The following EML1 variants were observed in gnomAD, a reference collection of about 807,000 sequenced individuals.
EML1 encodes the protein echinoderm microtubule-associated protein-like 1.
EML1 carries 27 observed loss-of-function variants against 110.4 expected under a neutral mutation model. The ratio of observed to expected loss-of-function variants is 0.24; its 90% confidence interval spans 0.18 to 0.34. The LOEUF (loss-of-function observed/expected upper bound fraction) is 0.34, where lower values mean the gene tolerates loss of function less well. Ranked by LOEUF, EML1 falls within the 10% of genes least tolerant of loss-of-function variation. EML1 has a pLI of 1.00. For missense variants in EML1, 741 were observed against 1,030.9 expected (o/e 0.72, Z 3.85); for synonymous variants, 344 against 385.8 (o/e 0.89, Z 1.27).
In EML1 at chr14:99,781,338, C is replaced by A. The variant is rs2057537830; in HGVS notation, c.-27+7325C>A. Among the ~76,000 whole-genome samples the A allele has an allele frequency of 6.6e-6, 1 of 152,122 alleles. No individual in the cohort carries two copies. Among genetic ancestry groups the A allele is most frequent in the African/African-American group, 2.4e-5 (1 of 41,422 alleles). ...GCCCTGCCCTTGCTCATGGGGTGTG[C>A]CTCCCATGCTGTATGGCATCCTCAC... On this transcript the variant is annotated intron_variant, in intron 1 of 22. Transcript: ENST00000327921. This position sits in a 1 kb window ranked among gnomAD's most constrained non-coding sequence, Gnocchi z 4.2.
intron 17 of EML1, among the ~76,000 whole-genome samples, chr14:99,926,488 T>C (rs997679501): frequency 3.9e-5 from 6 of 152,064 alleles, no homozygotes; most frequent in Non-Finnish European, 7.4e-5. Context: ...TTTTGCCAGA[T>C]TGGCCAGGCT....
intron 1 of EML1, among the ~76,000 whole-genome samples, chr14:99,782,426 G>A (rs1012044982): frequency 1.3e-5 from 2 of 152,142 alleles, no homozygotes; most frequent in African/African-American, 4.8e-5. Flanking sequence ...GACCTGCGGC[G>A]TGTTTGCTCC....
chr14:99,749,608 T>C lies in EML1; in HGVS notation c.28+11748T>C, dbSNP rs559655629. On this transcript the variant is annotated intron_variant, in intron 1 of 10. Transcript: ENST00000554479. ...CAGGCTGGGGTTAGGGTCCTTCCTC[T>C]GAAAGCTGGTATGAGGGAGGGACAT... Among the ~76,000 whole-genome samples, 6 of 152,298 alleles carry C rather than the reference T, an allele frequency of 3.9e-5. No homozygotes were observed. In the South Asian group the frequency reaches 8.3e-4, roughly 21 times the overall value.
At chr14:99,873,837 C>T (rs964287412) in intron 3 of EML1, among the ~76,000 whole-genome samples, 1 of 152,234 alleles carries the variant, frequency 6.6e-6, no homozygotes, top group African/African-American at 2.4e-5. Flanking sequence ...GGACAAAAGC[C>T]AGGTGGGTCC....
At chr14:99,900,407 G>A (rs1022967141) in intron 8 of EML1, among the ~76,000 whole-genome samples, 2 of 151,704 alleles carry the variant, frequency 1.3e-5, no homozygotes, top group Non-Finnish European at 2.9e-5. Flanking sequence ...GGCTGGTCTC[G>A]AACTCCTGAC....
chr14:99,875,771 A>G (rs1265519731), intron 3 of EML1, among the ~76,000 whole-genome samples: 1 of 152,182 alleles, frequency 6.6e-6, no homozygotes, highest in Non-Finnish European at 1.5e-5. Flanking sequence ...GAACATCTTG[A>G]ACTTGAAGCA....
chr14:99,819,786 C>G (rs2058232049), intron 1 of EML1, among the ~76,000 whole-genome samples: 1 of 152,204 alleles, frequency 6.6e-6, no homozygotes, highest in Admixed American at 6.5e-5. Context: ...CCGAGCATCC[C>G]TCAGTGAAGC....
At chr14:99,750,977 T>TC (rs1027329552) in intron 1 of EML1, among the ~76,000 whole-genome samples, 4 of 151,766 alleles carry the variant, frequency 2.6e-5, no homozygotes, top group South Asian at 2.1e-4. Context: ...GGCCTCGGTT[T>TC]CCCCCCCTGT....
At position 99,937,901 on chromosome 14, in the gene EML1, T is replaced by A; in HGVS notation, c.2180T>A (p.Phe727Tyr). The A allele has an allele frequency of 6.2e-7, 1 of 1,614,042 alleles. No homozygotes were observed. The highest frequency in any genetic ancestry group is 8.5e-7 in the Non-Finnish European group (1 of 1,179,918). ...GCTACCTATACCTGCACTTTGGGAT[T>A]CCATGTTTTTGGTAAGTTTGCTGCA... ...EWATYTCTLG[F>Y]HVFGVWPEGS... The change falls in exon 20 of 22, where the codon TTC becomes TAC. Residue 727 changes from phenylalanine to tyrosine, a missense_variant. By Grantham distance (22) the Phe-to-Tyr change is conservative. Coordinates refer to ENST00000262233, the MANE Select transcript of EML1 (RefSeq NM_004434.3).
intron 4 of EML1, among the ~76,000 whole-genome samples, chr14:99,882,330 A>G (rs1345156351): frequency 6.6e-6 from 1 of 152,240 alleles, no homozygotes; most frequent in African/African-American, 2.4e-5. Context: ...ATTTAGAAGC[A>G]CGGTTCATGT....
At chr14:99,817,748 C>T (rs756687126) in intron 1 of EML1, among the ~76,000 whole-genome samples, 3 of 152,122 alleles carry the variant, frequency 2.0e-5, no homozygotes, top group African/African-American at 4.8e-5. Context: ...CTCAGATGAA[C>T]GGCACAGTCC....
At chr14:99,850,195 T>G (rs2058771532) in intron 1 of EML1, 2 of 952,794 alleles carry the variant, frequency 2.1e-6, no homozygotes, top group African/African-American at 3.4e-5. Flanking sequence ...TACCTCAGCC[T>G]CCCAAAGTGT....
chr14:99,790,274 A>G (rs2057649060), upstream of EML1, among the ~76,000 whole-genome samples: 1 of 152,194 alleles, frequency 6.6e-6, no homozygotes, highest in Admixed American at 6.5e-5. Flanking sequence ...TGTGGCCACC[A>G]AATATCATAA....
intron 15 of EML1, among the ~76,000 whole-genome samples, chr14:99,917,368 G>A (rs2060050921): frequency 1.3e-5 from 2 of 152,076 alleles, no homozygotes; most frequent in Admixed American, 6.5e-5. Flanking sequence ...CCAGGAATTC[G>A]AGACCAGCCT....
intron 1 of EML1, among the ~76,000 whole-genome samples, chr14:99,753,179 C>T (rs1179942320): frequency 1.2e-5 from 1 of 86,464 alleles, no homozygotes; most frequent in Admixed American, 1.3e-4. Context: ...GCCCCCACCC[C>T]CCTACCCGCA....
At chr14:99,850,106 T>TTG (rs1164419947) in intron 1 of EML1, 6 of 363,722 alleles carry the variant, frequency 1.6e-5, no homozygotes, top group Non-Finnish European at 2.6e-5. Context: ...ATTTTTTTTT[T>TTG]TTTTTGGTAT....
chr14:99,912,965 G>T (rs543789606), intron 13 of EML1, among the ~76,000 whole-genome samples: 1 of 152,202 alleles, frequency 6.6e-6, no homozygotes, highest in Non-Finnish European at 1.5e-5. Flanking sequence ...AACAGCAACC[G>T]CCAGGGTCAA....
chr14:99,778,017 C>T (rs910911943), intron 1 of EML1, among the ~76,000 whole-genome samples: 1 of 152,134 alleles, frequency 6.6e-6, no homozygotes, highest in African/African-American at 2.4e-5. Context: ...TGGTCTCGAA[C>T]TCCTGGACTC....
intron 1 of EML1, among the ~76,000 whole-genome samples, chr14:99,849,342 G>T (rs918410553): frequency 4.6e-5 from 7 of 152,080 alleles, no homozygotes; most frequent in African/African-American, 1.7e-4. Context: ...TAATCAGACT[G>T]CAGGTCTTTT....
Sources: allele counts gnomAD v4.1 joint callset (sites outside exome capture counted in the v4.1 genomes callset), GRCh38; gene constraint gnomAD v4.1.1; non-coding constraint Gnocchi (gnomAD v3.1); transcripts MANE v1.5; gene names NCBI Gene and HGNC (gene_info 2026-07-23, HGNC 2026-07-21).